The following PDCD2L variants were observed in gnomAD, a reference collection of about 807,000 sequenced individuals.
The protein encoded by PDCD2L is programmed cell death 2 like, also known as uS5 assembly chaperone PDCD2L.
Under a neutral mutation model 40.4 loss-of-function variants are expected in PDCD2L, and 44 were observed. The observed-to-expected ratio is 1.09, with a 90% CI of 0.86 to 1.40. PDCD2L has a LOEUF of 1.40. Ranked by LOEUF, PDCD2L falls within the 40% of genes most tolerant of loss-of-function variation. The pLI is 0.00. For missense variants in PDCD2L, 470 were observed against 453.7 expected (o/e 1.04, Z -0.33); for synonymous variants, 194 against 174.6 (o/e 1.11, Z -0.88).
chr19:34,411,963 C>CATACAT (rs1555724498), intron 4 of PDCD2L, among the ~76,000 whole-genome samples: 3 of 137,672 alleles, frequency 2.2e-5, no homozygotes, highest in Non-Finnish European at 3.1e-5. Context: ...ATGAAAAATA[C>CATACAT]ATATATATAT....
chr19:34,407,598 T>A (rs1165823135), intron 3 of PDCD2L, among the ~76,000 whole-genome samples: 1 of 152,020 alleles, frequency 6.6e-6, no homozygotes, highest in African/African-American at 2.4e-5. Context: ...AATGACAGAA[T>A]TTCCTTTTTT....
At chr19:34,405,346 A>AT (rs1438552777) in intron 3 of PDCD2L, among the ~76,000 whole-genome samples, 1 of 150,620 alleles carries the variant, frequency 6.6e-6, no homozygotes, top group Non-Finnish European at 1.5e-5. Context: ...GGGTTTCGCC[A>AT]TGGTGGTCAG....
intron 3 of PDCD2L, among the ~76,000 whole-genome samples, chr19:34,406,826 CTT>C (rs35175132): frequency 2.7e-4 from 28 of 102,242 alleles, no homozygotes; most frequent in African/African-American, 5.1e-4. Context: ...TTCTTTCTTC[CTT>C]TTTTTTTTTT....
At chr19:34,425,891 C>A in intron 6 of PDCD2L, 99 bp from the exon 7 acceptor site, 1 of 1,254,300 alleles carries the variant, frequency 8.0e-7, no homozygotes, top group Non-Finnish European at 1.1e-6. Context: ...TTTGCTTTAC[C>A]TAATTACTTT....
chr19:34,411,583 G>A (rs901160928), intron 4 of PDCD2L, among the ~76,000 whole-genome samples: 10 of 151,896 alleles, frequency 6.6e-5, no homozygotes, highest in African/African-American at 2.2e-4. Flanking sequence ...CCTGGCCTCA[G>A]GGGATCCTCT....
At chr19:34,419,738 C>T (rs1276785743) in intron 5 of PDCD2L, among the ~76,000 whole-genome samples, 2 of 76,778 alleles carry the variant, frequency 2.6e-5, no homozygotes, top group Admixed American at 2.7e-4. Flanking sequence ...CTATTTTGTT[C>T]CTTTTTTGTC....
At chr19:34,414,877 C>G (rs944737842) in intron 5 of PDCD2L, among the ~76,000 whole-genome samples, 1 of 151,982 alleles carries the variant, frequency 6.6e-6, no homozygotes, top group Non-Finnish European at 1.5e-5. Flanking sequence ...GTGATCATTG[C>G]TCACTGTAAC....
chr19:34,422,745 T>C (rs1470211683), intron 6 of PDCD2L, among the ~76,000 whole-genome samples: 2 of 151,938 alleles, frequency 1.3e-5, no homozygotes, highest in Non-Finnish European at 2.9e-5. Context: ...AGACGGAGTC[T>C]TGCTCTGTCG....
At position 34,404,436 on chromosome 19, in the gene PDCD2L, G is replaced by C; in HGVS notation, c.6G>C (p.Ala2=). 2.6e-6 allele frequency: 4 copies of C among 1,542,414 alleles called. No homozygotes were observed. Among genetic ancestry groups the C allele is most frequent in the Non-Finnish European group, 3.5e-6 (4 of 1,144,752 alleles). The change falls in exon 1 of 7, where the codon GCG becomes GCC. Residue 2 remains alanine (A), a synonymous_variant. Coordinates refer to ENST00000246535, the MANE Select transcript of PDCD2L (RefSeq NM_032346.2). M[A]AVLKPVLLGL... Reference sequence around the variant, plus strand: ...CACCTGGTCGCCCGGCGGCCATGGCGGCCGTTCTGAAGCCGGTGCTGCTGG... The same window carrying C: ...CACCTGGTCGCCCGGCGGCCATGGCCGCCGTTCTGAAGCCGGTGCTGCTGG...
At chr19:34,411,571 C>T (rs2075103654) in intron 4 of PDCD2L, among the ~76,000 whole-genome samples, 1 of 152,016 alleles carries the variant, frequency 6.6e-6, no homozygotes, top group Admixed American at 6.6e-5. Flanking sequence ...CAGCCTCAAA[C>T]TCCTGGCCTC....
At chr19:34,425,667 A>G (rs2075173766) in intron 6 of PDCD2L, among the ~76,000 whole-genome samples, 1 of 152,144 alleles carries the variant, frequency 6.6e-6, no homozygotes, top group Non-Finnish European at 1.5e-5. Flanking sequence ...GCACCTAGCC[A>G]AAAGCTATGT....
intron 3 of PDCD2L, among the ~76,000 whole-genome samples, chr19:34,408,610 C>T (rs1296315057): frequency 5.3e-5 from 8 of 152,222 alleles, no homozygotes; most frequent in Non-Finnish European, 1.0e-4. Context: ...CGTGAAGGAG[C>T]TGCTATGCCA....
intron 3 of PDCD2L, among the ~76,000 whole-genome samples, chr19:34,405,932 A>AG (rs1568357025): frequency 6.6e-6 from 1 of 152,018 alleles, no homozygotes; most frequent in Non-Finnish European, 1.5e-5. Flanking sequence ...GAAAAAAAAA[A>AG]CGTTGGGAGA....
intron 5 of PDCD2L, among the ~76,000 whole-genome samples, chr19:34,414,251 A>C (rs867802648): frequency 6.6e-6 from 1 of 150,660 alleles, no homozygotes; most frequent in Admixed American, 6.6e-5. Flanking sequence ...TCTTGGCTCA[A>C]TGCAACCTCC....
intron 5 of PDCD2L, among the ~76,000 whole-genome samples, chr19:34,414,173 A>ATTC (rs1297291374): frequency 6.6e-6 from 1 of 151,608 alleles, no homozygotes; most frequent in Non-Finnish European, 1.5e-5. Flanking sequence ...TATTATTATT[A>ATTC]TTTAATTTTT....
chr19:34,411,709 C>T (rs1186822681), intron 4 of PDCD2L, among the ~76,000 whole-genome samples: 2 of 152,064 alleles, frequency 1.3e-5, no homozygotes, highest in East Asian at 3.9e-4. Flanking sequence ...GGCTGGAGTA[C>T]AGCGGTGTGA....
At chr19:34,424,601 T>C (rs1376219833) in intron 6 of PDCD2L, among the ~76,000 whole-genome samples, 1 of 152,120 alleles carries the variant, frequency 6.6e-6, no homozygotes, top group African/African-American at 2.4e-5. Flanking sequence ...TCCACATGCA[T>C]AGTGGCCCTC....
At chr19:34,405,922 GA>G (rs57849299) in intron 3 of PDCD2L, among the ~76,000 whole-genome samples, 167 of 144,770 alleles carry the variant, frequency 1.2e-3, no homozygotes, top group African/African-American at 3.4e-3. Context: ...CAAAACAAAA[GA>G]AAAAAAAAAC....
intron 4 of PDCD2L, among the ~76,000 whole-genome samples, chr19:34,409,792 A>C (rs766671283): frequency 6.6e-6 from 1 of 152,184 alleles, no homozygotes; most frequent in Non-Finnish European, 1.5e-5. Flanking sequence ...TTATATTTCT[A>C]ATATGTCTTT....
Sources: allele counts gnomAD v4.1 joint callset (sites outside exome capture counted in the v4.1 genomes callset), GRCh38; gene constraint gnomAD v4.1.1; transcripts MANE v1.5; gene names NCBI Gene and HGNC (gene_info 2026-07-23, HGNC 2026-07-21).